Variants in TSPAN18 observed in about 807,000 individuals in gnomAD.
The protein encoded by TSPAN18 is tetraspanin-18.
Under a neutral mutation model 27.3 loss-of-function variants are expected in TSPAN18, and 14 were observed. The ratio of observed to expected loss-of-function variants is 0.51; its 90% confidence interval spans 0.34 to 0.80. TSPAN18 has a LOEUF of 0.80. Among genes scored for constraint, TSPAN18 ranks in the 30% least tolerant of loss-of-function variants. The probability of loss-of-function intolerance (pLI) is 0.01; values close to 1 mark genes in which losing one functional copy is unlikely to be tolerated. For synonymous variants in TSPAN18, 143 were observed against 136.5 expected (o/e 1.05, Z -0.33); for missense variants, 268 against 323.9 (o/e 0.83, Z 1.32).
intron 2 of TSPAN18, among the ~76,000 whole-genome samples, chr11:44,829,255 C>A (rs959478071): frequency 6.6e-6 from 1 of 152,092 alleles, no homozygotes; most frequent in African/African-American, 2.4e-5. Flanking sequence ...GTTTTGATAC[C>A]TGTATAATGA....
At chr11:44,884,351 C>G (rs1858578806) in intron 3 of TSPAN18, among the ~76,000 whole-genome samples, 1 of 152,232 alleles carries the variant, frequency 6.6e-6, no homozygotes, top group Non-Finnish European at 1.5e-5. Flanking sequence ...CCTTCATTGC[C>G]TGGTCCTCTG....
intron 1 of TSPAN18, among the ~76,000 whole-genome samples, chr11:44,754,397 C>T (rs1016282988): frequency 6.6e-6 from 1 of 152,182 alleles, no homozygotes; most frequent in Non-Finnish European, 1.5e-5. Context: ...CTTGGGCATG[C>T]GTTCCTGTGT....
At chr11:44,900,886 G>C (rs773204440) in intron 3 of TSPAN18, among the ~76,000 whole-genome samples, 11 of 151,836 alleles carry the variant, frequency 7.2e-5, no homozygotes, top group Middle Eastern at 3.4e-3. Flanking sequence ...GTAGAGACAG[G>C]GTTTTGCCAT....
At chr11:44,756,903 T>C (rs1855345504) in intron 1 of TSPAN18, among the ~76,000 whole-genome samples, 1 of 152,244 alleles carries the variant, frequency 6.6e-6, no homozygotes, top group Non-Finnish European at 1.5e-5. Flanking sequence ...TTTGAGACCC[T>C]ACTTTCTTTT....
At chr11:44,870,224 T>C (rs772839663) in intron 3 of TSPAN18, among the ~76,000 whole-genome samples, 2 of 152,186 alleles carry the variant, frequency 1.3e-5, no homozygotes, top group African/African-American at 2.4e-5. Flanking sequence ...CCCAAAGAAA[T>C]GTGGCATACA....
chr11:44,926,787 C>G, intron 9 of TSPAN18, 30 bp downstream of exon 9: 1 of 1,607,106 alleles, frequency 6.2e-7, no homozygotes, highest in Non-Finnish European at 8.5e-7. Context: ...TCTGCCGCTC[C>G]CCAGGATGAA....
intron 1 of TSPAN18, among the ~76,000 whole-genome samples, chr11:44,751,172 C>T (rs1855202200): frequency 6.6e-6 from 1 of 152,166 alleles, no homozygotes; most frequent in Non-Finnish European, 1.5e-5. Context: ...TGCCTGCCAG[C>T]AAGTGTGGAA....
intron 3 of TSPAN18, among the ~76,000 whole-genome samples, chr11:44,882,796 G>A (rs1209495371): frequency 2.0e-5 from 3 of 152,128 alleles, no homozygotes; most frequent in Non-Finnish European, 2.9e-5. Flanking sequence ...CTGGCTGGCC[G>A]TGAAGCCTGA....
At chr11:44,797,607 C>T (rs915550465) in intron 2 of TSPAN18, among the ~76,000 whole-genome samples, 2 of 152,268 alleles carry the variant, frequency 1.3e-5, no homozygotes, top group Middle Eastern at 6.8e-3. Flanking sequence ...GTGAACGCCT[C>T]CTTGGTGAGA....
intron 3 of TSPAN18, among the ~76,000 whole-genome samples, chr11:44,897,472 T>A (rs945464451): frequency 1.3e-5 from 2 of 152,194 alleles, no homozygotes; most frequent in Non-Finnish European, 2.9e-5. Context: ...TCAGCATACA[T>A]GAAGCCCATG....
At position 44,792,346 on chromosome 11, in the gene TSPAN18, C is replaced by T. The variant is rs566445966; in HGVS notation, c.-153+27834C>T. Reference sequence around the variant, plus strand: ...TCGCAGGCAGAGGGGACCGCAGGCACGCACGGCCTGGAGCAGCCAGGGGCT... The same window carrying T: ...TCGCAGGCAGAGGGGACCGCAGGCATGCACGGCCTGGAGCAGCCAGGGGCT... On this transcript the variant is annotated intron_variant, in intron 2 of 9. Coordinates refer to ENST00000520358, the MANE Select transcript of TSPAN18 (RefSeq NM_130783.5). Among the ~76,000 whole-genome samples the T allele has an allele frequency of 5.3e-5, 8 of 152,102 alleles. No individual in the cohort carries two copies. In the East Asian group the frequency reaches 7.7e-4, roughly 15 times the overall value.
rs201721438 is a variant in TSPAN18 at position 44,791,613 on chromosome 11, TCTC to T, written c.-153+27110_-153+27112del. ...TCCTAGTCACTTCTTCTGTGGACTG[TCTC>T]CTCCTCCTGGTCCCCCCTGTGTCCC... On this transcript the variant is annotated intron_variant, in intron 2 of 9. Coordinates refer to ENST00000520358, the MANE Select transcript of TSPAN18 (RefSeq NM_130783.5). Among the ~76,000 whole-genome samples the T allele has an allele frequency of 8.3e-4, 126 of 152,308 alleles. 3 individuals carry two copies. The East Asian group carries it at 0.018, about 22-fold the overall frequency.
chr11:44,899,069 C>T (rs910179364), intron 3 of TSPAN18, among the ~76,000 whole-genome samples: 45 of 152,268 alleles, frequency 3.0e-4, no homozygotes, highest in African/African-American at 9.4e-4. Flanking sequence ...CTGAGGCAGA[C>T]GTCACATGGA....
intron 3 of TSPAN18, among the ~76,000 whole-genome samples, chr11:44,880,953 G>A (rs1469077826): frequency 1.3e-5 from 2 of 152,256 alleles, no homozygotes; most frequent in Non-Finnish European, 2.9e-5. Flanking sequence ...AGGCTGGAGG[G>A]ACTGGCTGTC....
chr11:44,868,442 C>A (rs1157608849), intron 3 of TSPAN18, among the ~76,000 whole-genome samples: 1 of 152,118 alleles, frequency 6.6e-6, no homozygotes, highest in Non-Finnish European at 1.5e-5. Context: ...GGGAGCTGGG[C>A]TGTGGGTATG....
rs561111306 is a variant in TSPAN18, at chr11:44,907,679, T to C, written c.63+1200T>C. Among the ~76,000 whole-genome samples the C allele has an allele frequency of 1.2e-4, 18 of 152,252 alleles. No homozygotes were observed. The South Asian group carries it at 3.3e-3, about 28-fold the overall frequency. On this transcript the variant is annotated intron_variant, in intron 4 of 9. Coordinates refer to ENST00000520358, the MANE Select transcript of TSPAN18 (RefSeq NM_130783.5). ...GGAGCTGGGCCCTCCTTGAAGTGTTTAGCATGCAGTTGCTGAATCCCCAAA... is the reference window on the plus strand; with the variant it reads ...GGAGCTGGGCCCTCCTTGAAGTGTTCAGCATGCAGTTGCTGAATCCCCAAA...
At chr11:44,832,857 T>C (rs1009100583) in intron 2 of TSPAN18, among the ~76,000 whole-genome samples, 3 of 152,160 alleles carry the variant, frequency 2.0e-5, no homozygotes, top group South Asian at 4.1e-4. Flanking sequence ...TCTCCACTGC[T>C]GGTCTCCTTC....
chr11:44,792,764 C>T (rs1430136088), intron 2 of TSPAN18, among the ~76,000 whole-genome samples: 3 of 152,156 alleles, frequency 2.0e-5, no homozygotes, highest in Non-Finnish European at 4.4e-5. Context: ...GGGGAAGTAG[C>T]CTGGGAAGGA....
At chr11:44,894,373 C>T (rs555086036) in intron 3 of TSPAN18, among the ~76,000 whole-genome samples, 40 of 152,330 alleles carry the variant, frequency 2.6e-4, no homozygotes, top group African/African-American at 9.4e-4. Context: ...AGCCCTTTCT[C>T]GGCTCTGCAC....
Sources: gnomAD v4.1 joint callset for allele counts (sites outside exome capture counted in the v4.1 genomes callset) on GRCh38, gnomAD v4.1.1 for gene constraint, MANE v1.5 for transcripts, NCBI Gene and HGNC (gene_info 2026-07-23, HGNC 2026-07-21) for gene names.